Variants in FAM3A observed in about 807,000 individuals in gnomAD.
The protein encoded by FAM3A is protein FAM3A.
A neutral mutation model predicts 18.1 loss-of-function variants in FAM3A; 5 were observed. The observed-to-expected ratio is 0.28, with a 90% confidence interval of 0.14 to 0.58. The LOEUF is 0.58. Ranked by LOEUF, FAM3A falls within the 20% of genes least tolerant of loss-of-function variation. The pLI is 0.91. For synonymous variants in FAM3A, 108 were observed against 90.2 expected (o/e 1.20, Z -1.12); for missense variants, 154 against 216.6 (o/e 0.71, Z 1.81).
intron 2 of FAM3A, among the ~76,000 whole-genome samples, 178 bp downstream of exon 2, chrX:154,512,645 C>T (rs868918270): frequency 9.0e-6 from 1 of 111,515 alleles, no homozygotes; most frequent in South Asian, 3.8e-4. Context: ...GATGAAGCAA[C>T]TGGGTGTTGG....
intron 3 of FAM3A, chrX:154,511,528 G>A: frequency 3.7e-6 from 1 of 271,531 alleles, no homozygotes; most frequent in South Asian, 9.4e-5. Flanking sequence ...GGCCACAGAG[G>A]ATTCCCCTCA....
chrX:154,515,611 C>G (rs2070154438), intron 1 of FAM3A, 149 bp downstream of exon 1: 2 of 637,557 alleles, frequency 3.1e-6, no homozygotes, highest in East Asian at 6.4e-5. Flanking sequence ...TGGTTAAGGT[C>G]AAGGAACGAG....
chrX:154,507,687 C>G, intron 6 of FAM3A, 124 bp downstream of exon 6: 2 of 864,128 alleles, frequency 2.3e-6, no homozygotes, highest in Non-Finnish European at 1.7e-6. Flanking sequence ...ATGCCCCTGT[C>G]CTTTCTGAAC....
In FAM3A at chrX:154,506,919, G is replaced by T. The variant is rs1307951815; in HGVS notation, c.598-13C>A. 4.2e-6 allele frequency: 5 copies of T among 1,190,669 alleles called. No individual in the cohort carries two copies. Among genetic ancestry groups the T allele is most frequent in the Non-Finnish European group, 5.7e-6 (5 of 878,392 alleles). ...TGTTCTTCACGTGCTGTGGGGAGGG[G>T]AGCAGAAAGTCATGACTTTGGCCCT... On this transcript the variant is annotated splice_polypyrimidine_tract_variant and intron_variant, in intron 8 of 8. Transcript: ENST00000447601.
At chrX:154,515,509 C>T (rs1358301247) in intron 1 of FAM3A, among the ~76,000 whole-genome samples, 1 of 112,316 alleles carries the variant, frequency 8.9e-6, no homozygotes, top group Non-Finnish European at 1.9e-5. Flanking sequence ...TTCCAAAAAG[C>T]AGCTGGTCTG....
intron 3 of FAM3A, chrX:154,508,803 T>G: frequency 1.9e-6 from 1 of 524,310 alleles, no homozygotes. Context: ...ACAGAAGGAT[T>G]TTCTGTTACT....
Position 154,506,450 on chromosome X carries a change from C to T in FAM3A, c.*361G>A, listed in dbSNP as rs1009764210. 41 of 221,384 alleles carry T rather than the reference C, an allele frequency of 1.9e-4. No individual in the cohort carries two copies. Among genetic ancestry groups the T allele is most frequent in the African/African-American group, 1.0e-3 (37 of 35,346 alleles). 18.2% of individuals were successfully genotyped at this position (221,384 alleles called of 1,213,427 possible). On this transcript the variant is annotated 3_prime_UTR_variant, in exon 9 of 9. Coordinates refer to ENST00000447601, the MANE Select transcript of FAM3A (RefSeq NM_021806.4). Reference sequence around the variant, plus strand: ...GACGCCCCAACCTGCCGGGCTGCTCCCAGAGATGCACAGTGAGGGGCAGGC... The same window carrying T: ...GACGCCCCAACCTGCCGGGCTGCTCTCAGAGATGCACAGTGAGGGGCAGGC...
Position 154,512,886 on chromosome X carries a change from C to T in FAM3A, c.64G>A (p.Val22Met), listed in dbSNP as rs782638937. The change falls in exon 2 of 9, where the codon GTG becomes ATG. Residue 22 changes from valine (V) to methionine (M), a missense_variant. This residue lies in a region of FAM3A where 112 missense variants were observed against 160.0 expected (regional missense o/e 0.70). Transcript: ENST00000447601. ...GGCCCACCCAGGAGGATGCTGACCACGATCCATGTGACACCCACACTGACG... is the reference window on the plus strand; with the variant it reads ...GGCCCACCCAGGAGGATGCTGACCATGATCCATGTGACACCCACACTGACG... ...LVVSVGVTWIVVSILLGGPGS... is the reference protein window; with the variant it reads ...LVVSVGVTWIMVSILLGGPGS... 26 of 1,209,718 alleles carry T rather than the reference C, an allele frequency of 2.1e-5. No homozygotes were observed. The highest frequency in any genetic ancestry group is 1.5e-4 in the Admixed American group (7 of 45,792).
intron 2 of FAM3A, chrX:154,512,258 AATAATAATAAG>A (rs2069929655): frequency 4.8e-5 from 10 of 209,632 alleles, no homozygotes; most frequent in Admixed American, 1.4e-4. Context: ...TAATAATAAT[AATAATAATAAG>A]AAGAAGAAGA....
chrX:154,513,990 C>T (rs1227990916), intron 1 of FAM3A, among the ~76,000 whole-genome samples: 1 of 109,949 alleles, frequency 9.1e-6, no homozygotes, highest in African/African-American at 3.3e-5. Flanking sequence ...CACTGATGAC[C>T]TTTGTGGTGT....
rs2069899257 is a variant in FAM3A at position 154,511,962 on chromosome X, A to C, written c.128-91T>G. 16 of 859,417 alleles carry C rather than the reference A, an allele frequency of 1.9e-5. No homozygotes were observed. The South Asian group carries it at 3.5e-4, about 19-fold the overall frequency. The allele number at this position is 859,417 out of a possible 1,213,427, so 70.8% of individuals were successfully genotyped here. On this transcript the variant is annotated intron_variant, in intron 2 of 8. Coordinates refer to ENST00000447601, the MANE Select transcript of FAM3A (RefSeq NM_021806.4). ...CCTCCTTACACCGCGAAGTGTAGAC[A>C]CAGGCAGTCAGGCTCAGGGGCCGGG...
In FAM3A at chrX:154,506,920, A is replaced by G. The variant is rs782259282; in HGVS notation, c.598-14T>C. On this transcript the variant is annotated splice_polypyrimidine_tract_variant and intron_variant, in intron 8 of 8. Transcript: ENST00000447601. The stretch of plus-strand genomic sequence containing the variant: ...GTTCTTCACGTGCTGTGGGGAGGGG[A>G]GCAGAAAGTCATGACTTTGGCCCTC... The G allele has an allele frequency of 8.4e-7, 1 of 1,189,897 alleles. No homozygotes were observed. Among genetic ancestry groups the G allele is most frequent in the Non-Finnish European group, 1.1e-6 (1 of 877,649 alleles).
intron 3 of FAM3A, chrX:154,510,101 T>G (rs1331672432): frequency 8.9e-6 from 1 of 112,156 alleles, no homozygotes; most frequent in African/African-American, 3.2e-5. Flanking sequence ...GTGTGGTGAT[T>G]CACGCATGTG....
At chrX:154,507,133 G>C in intron 8 of FAM3A, 70 bp downstream of exon 8, 2 of 1,143,484 alleles carry the variant, frequency 1.7e-6, no homozygotes, top group South Asian at 3.9e-5. Context: ...CAGCTGGGGA[G>C]GCTCGTCGCA....
chrX:154,512,982 G>A (rs377424756), intron 1 of FAM3A, 46 bp from the exon 2 acceptor site: 65 of 893,941 alleles, frequency 7.3e-5, no homozygotes, highest in Non-Finnish European at 1.0e-4. Flanking sequence ...AGATACCAGC[G>A]AACCCCAGAA....
At chrX:154,514,964 C>T (rs1479421926) in intron 1 of FAM3A, among the ~76,000 whole-genome samples, 3 of 111,230 alleles carry the variant, frequency 2.7e-5, no homozygotes, top group Non-Finnish European at 3.8e-5. Flanking sequence ...TACAGGCACC[C>T]GCCACCACGC....
chrX:154,514,008 C>T (rs782286364), intron 1 of FAM3A, among the ~76,000 whole-genome samples: 1 of 110,009 alleles, frequency 9.1e-6, no homozygotes, highest in South Asian at 4.0e-4. Context: ...TGTCACCACC[C>T]CTGGTGACCT....
intron 5 of FAM3A, 161 bp from the exon 6 acceptor site, chrX:154,508,022 G>A (rs1557220166): frequency 1.9e-6 from 1 of 534,417 alleles, no homozygotes; most frequent in Non-Finnish European, 3.0e-6. Context: ...CCCAAGCCGT[G>A]GTGCCTCTGT....
intron 1 of FAM3A, 91 bp from the exon 2 acceptor site, chrX:154,513,027 G>A (rs1242528115): frequency 7.1e-6 from 4 of 566,729 alleles, no homozygotes; most frequent in Non-Finnish European, 1.2e-5. Context: ...GATCTCCCCT[G>A]CCACTTGGGA....
Sources: allele counts gnomAD v4.1 joint callset (sites outside exome capture counted in the v4.1 genomes callset), GRCh38; gene constraint gnomAD v4.1.1; regional missense constraint gnomAD v4.1.1; transcripts MANE v1.5; gene names NCBI Gene and HGNC (gene_info 2026-07-23, HGNC 2026-07-21).